Variants in WNK1 observed in about 807,000 individuals in gnomAD.
The protein encoded by WNK1 is WNK lysine deficient protein kinase 1.
WNK1 carries 38 observed loss-of-function variants against 222.8 expected under a neutral mutation model. The observed-to-expected ratio is 0.17, with a 90% CI of 0.13 to 0.22. WNK1 has a LOEUF of 0.22. Among genes scored for constraint, WNK1 ranks in the 10% least tolerant of loss-of-function variants. The probability of loss-of-function intolerance (pLI) is 1.00; values close to 1 mark genes in which losing one functional copy is unlikely to be tolerated. For missense variants in WNK1, 2,348 were observed against 2,918.4 expected (o/e 0.80, Z 4.50); for synonymous variants, 1,090 against 1,092.9 (o/e 1.00, Z 0.05).
chr12:867,967 T>C lies in WNK1; in HGVS notation c.2140-3298T>C, dbSNP rs771303066. ...AACGTCCAGTTTCTTTTTCACCACC[T>C]CCCACCTGCCCACCGAAAGTAGCCA... On this transcript the variant is annotated intron_variant, in intron 8 of 27. Transcript: ENST00000315939. 39 of 1,613,794 alleles carry C rather than the reference T, an allele frequency of 2.4e-5. No homozygotes were observed. Among genetic ancestry groups the C allele is most frequent in the Non-Finnish European group, 3.1e-5 (36 of 1,179,864 alleles).
chr12:904,456 AG>A, intron 26 of WNK1: 2 of 1,289,140 alleles, frequency 1.6e-6, no homozygotes, highest in Non-Finnish European at 2.0e-6. Context: ...GCTTCAGGGA[AG>A]ATGGTGAAAA....
Position 881,955 on chromosome 12 carries a change from A to G in WNK1, c.3254A>G (p.Asn1085Ser), listed in dbSNP as rs765292205. The G allele has an allele frequency of 1.2e-6, 2 of 1,614,206 alleles. No individual in the cohort carries two copies. Among genetic ancestry groups the G allele is most frequent in the East Asian group, 4.5e-5 (2 of 44,890 alleles). Residue 1085 changes from asparagine to serine, a missense_variant, in exon 14 of 28, where the codon AAC becomes AGC. This residue lies in a region of WNK1 where 547 missense variants were observed against 558.3 expected (regional missense o/e 0.98). Coordinates refer to ENST00000315939, the MANE Select transcript of WNK1 (RefSeq NM_018979.4). ...TCAGGTATGAGTGATGGCAATGAGA[A>G]CGTCCCATCTTCCAGTGGAAGGCAT... is the stretch of plus-strand genomic sequence containing the variant. Reference protein sequence around the residue: ...VASGMSDGNENVPSSSGRHEG... With the variant: ...VASGMSDGNESVPSSSGRHEG...
At chr12:906,469 A>C (rs1313087317) in intron 26 of WNK1, 71 of 985,040 alleles carry the variant, frequency 7.2e-5, no homozygotes, top group Non-Finnish European at 8.1e-5. Flanking sequence ...TCTACATGGG[A>C]GTGCTTGCTG....
intron 8 of WNK1, chr12:868,312 A>C: frequency 1.9e-6 from 3 of 1,612,146 alleles, no homozygotes; most frequent in Non-Finnish European, 2.5e-6. Flanking sequence ...CCCGGGTGGC[A>C]GAACAGTATG....
chr12:898,344 A>G lies in WNK1; in HGVS notation c.6448+663A>G, dbSNP rs147497842. On this transcript the variant is annotated intron_variant, in intron 25 of 27. Transcript: ENST00000315939. ...CTAAAAATAAAAAAATTAGGTGGGC[A>G]TGGTGGCAGGCGCCTATAGTCCCAG... is the stretch of plus-strand genomic sequence containing the variant. Among the ~76,000 whole-genome samples, 779 of 152,050 alleles carry G rather than the reference A, an allele frequency of 5.1e-3. 3 individuals are homozygous for G. Among genetic ancestry groups the G allele is most frequent in the African/African-American group, 0.018 (746 of 41,490 alleles).
Position 880,990 on chromosome 12 carries a change from A to G in WNK1, c.3102A>G (p.Ala1034=), listed in dbSNP as rs747140718. ...AQAPTTSSQQ[A]VLESTQGVSQ... ...CCCCCACTACATCCTCCCAGCAAGC[A>G]GTTTTGGAGGTAAATAGAATTACTG... The change falls in exon 12 of 28, where the codon GCA becomes GCG. Residue 1034 remains alanine, a synonymous_variant. Transcript: ENST00000315939. 103 of 1,614,064 alleles carry G rather than the reference A, an allele frequency of 6.4e-5. No individual in the cohort carries two copies. The highest frequency in any genetic ancestry group is 8.1e-5 in the Non-Finnish European group (95 of 1,180,046).
At chr12:777,044 A>G (rs964195962) in intron 1 of WNK1, among the ~76,000 whole-genome samples, 5 of 151,576 alleles carry the variant, frequency 3.3e-5, no homozygotes, top group African/African-American at 1.2e-4. Context: ...ATTGAGAATT[A>G]TGTGTATATT....
chr12:870,248 G>A (rs1026691010), intron 8 of WNK1, among the ~76,000 whole-genome samples: 1 of 152,102 alleles, frequency 6.6e-6, no homozygotes, highest in Non-Finnish European at 1.5e-5. Flanking sequence ...AGCTATACAT[G>A]GGCATGCAGT....
At chr12:790,340 G>A (rs1944716253) in intron 1 of WNK1, among the ~76,000 whole-genome samples, 1 of 152,178 alleles carries the variant, frequency 6.6e-6, no homozygotes, top group Non-Finnish European at 1.5e-5. Context: ...CTGGCCTCAA[G>A]CCATCCTGTC....
intron 1 of WNK1, among the ~76,000 whole-genome samples, chr12:786,880 C>T (rs574232343): frequency 2.6e-5 from 4 of 151,990 alleles, no homozygotes; most frequent in African/African-American, 9.7e-5. Flanking sequence ...AGAACTTTAA[C>T]GTACATTTAT....
At chr12:841,341 C>T (rs999803816) in intron 4 of WNK1, among the ~76,000 whole-genome samples, 3 of 152,162 alleles carry the variant, frequency 2.0e-5, no homozygotes, top group Non-Finnish European at 4.4e-5. Context: ...CTAGGTATTT[C>T]ATGTAAATGG....
At chr12:796,463 A>G (rs1204141766) in intron 1 of WNK1, among the ~76,000 whole-genome samples, 2 of 152,138 alleles carry the variant, frequency 1.3e-5, no homozygotes, top group Non-Finnish European at 2.9e-5. Flanking sequence ...ATATATGAGA[A>G]ATTCAGAAAG....
At chr12:839,909 G>A (rs1949489077) in intron 4 of WNK1, among the ~76,000 whole-genome samples, 1 of 130,674 alleles carries the variant, frequency 7.7e-6, no homozygotes, top group African/African-American at 2.8e-5. Flanking sequence ...TTTTTTTTAA[G>A]TAGAGATGGA....
chr12:870,459 A>C (rs1952048070), intron 8 of WNK1, among the ~76,000 whole-genome samples: 1 of 152,204 alleles, frequency 6.6e-6, no homozygotes, highest in Non-Finnish European at 1.5e-5. Flanking sequence ...ACCCCTTGTA[A>C]ACTGAAATGG....
At position 827,721 on chromosome 12, in the gene WNK1, GT is replaced by G. The variant is rs1467485237; in HGVS notation, c.1153+462del. ...TTTTTGTATTTTTAGTAGAAATGGGGTTTCACCGTGTTGGCCAGGCTGGTCT... is the reference window on the plus strand; with the variant it reads ...TTTTTGTATTTTTAGTAGAAATGGGGTTCACCGTGTTGGCCAGGCTGGTCT... On this transcript the variant is annotated intron_variant, in intron 3 of 27. Coordinates refer to ENST00000315939, the MANE Select transcript of WNK1 (RefSeq NM_018979.4). The surrounding 1 kb of genome is among the most constrained non-coding windows in gnomAD (Gnocchi z 4.6). Among the ~76,000 whole-genome samples the G allele has an allele frequency of 6.6e-6, 1 of 151,978 alleles. No individual in the cohort carries two copies.
chr12:852,229 T>G (rs1352102404), intron 4 of WNK1, among the ~76,000 whole-genome samples: 2 of 152,056 alleles, frequency 1.3e-5, no homozygotes, highest in African/African-American at 2.4e-5. Flanking sequence ...TTTTGTGGGG[T>G]TTTTTTAGTT....
rs75108301 is a variant in WNK1 at position 879,458 on chromosome 12, G to T, written c.2374-115G>T. 31,484 of 182,724 alleles carry T rather than the reference G, an allele frequency of 0.17. 687 individuals are homozygous for T. The highest frequency in any genetic ancestry group is 0.26 in the East Asian group (1,952 of 7,482). 11.3% of individuals were successfully genotyped at this position (182,724 alleles called of 1,614,324 possible). ...TTGTTGGTTTGGTGTTTTTTTTTTT[G>T]TTTGTTTTTTCCTTCTTTTTGGCTA... On this transcript the variant is annotated intron_variant, in intron 10 of 27. Transcript: ENST00000315939.
chr12:884,927 G>A lies in WNK1; in HGVS notation c.4123G>A (p.Val1375Ile), dbSNP rs764132647. 3.7e-6 allele frequency: 6 copies of A among 1,614,140 alleles called. No individual in the cohort carries two copies. Among genetic ancestry groups the A allele is most frequent in the Non-Finnish European group, 5.1e-6 (6 of 1,180,006 alleles). Residue 1375 changes from valine to isoleucine, a missense_variant, in exon 19 of 28, where the codon GTT becomes ATT. Coordinates refer to ENST00000315939, the MANE Select transcript of WNK1 (RefSeq NM_018979.4). The surrounding 1 kb of genome is among the most constrained non-coding windows in gnomAD (Gnocchi z 5.6). ...TTCCACATCAGTAATTCAGTCTGAG[G>A]TTACAGTGCCCACTGAAGAGGGGAT... ...DISTSVIQSE[V>I]TVPTEEGIAG...
intron 1 of WNK1, among the ~76,000 whole-genome samples, chr12:755,398 A>G (rs1433447536): frequency 6.6e-6 from 1 of 152,236 alleles, no homozygotes; most frequent in Non-Finnish European, 1.5e-5. Context: ...CCATGAACTA[A>G]TATGTTAACA....
Sources: gnomAD v4.1 joint callset for allele counts (sites outside exome capture counted in the v4.1 genomes callset) on GRCh38, gnomAD v4.1.1 for gene constraint, gnomAD v4.1.1 regional missense constraint, Gnocchi (gnomAD v3.1) non-coding constraint, MANE v1.5 for transcripts, NCBI Gene and HGNC (gene_info 2026-07-23, HGNC 2026-07-21) for gene names.